THSD4: variants seen among roughly 807,000 people sequenced by gnomAD.
THSD4 encodes the protein thrombospondin type 1 domain containing 4.
A neutral mutation model predicts 119.0 loss-of-function variants in THSD4; 69 were observed. That is an observed-to-expected ratio of 0.58 (90% confidence interval 0.48 to 0.71). THSD4 has a LOEUF of 0.71. Among genes scored for constraint, THSD4 ranks in the 30% least tolerant of loss-of-function variants. The pLI, the probability that THSD4 is intolerant of heterozygous loss-of-function variation, is 0.00. For synonymous variants in THSD4, 524 were observed against 540.4 expected (o/e 0.97, Z 0.42); for missense variants, 1,393 against 1,391.1 (o/e 1.00, Z -0.02).
intron 6 of THSD4, among the ~76,000 whole-genome samples, chr15:71,395,545 C>T (rs1015873003): frequency 1.3e-5 from 2 of 152,096 alleles, no homozygotes. Context: ...AGTTCGAGAC[C>T]AGCCTGGGCA....
At chr15:71,380,344 T>G (rs1198166136) in intron 6 of THSD4, among the ~76,000 whole-genome samples, 1 of 152,140 alleles carries the variant, frequency 6.6e-6, no homozygotes, top group African/African-American at 2.4e-5. Context: ...CTCATAACTC[T>G]TATTTGGTCA....
chr15:71,431,691 G>C (rs1206309702), intron 7 of THSD4, among the ~76,000 whole-genome samples: 1 of 151,672 alleles, frequency 6.6e-6, no homozygotes, highest in Non-Finnish European at 1.5e-5. Context: ...GTCTTGGGTG[G>C]CTGCAAGACA....
At chr15:71,352,007 T>G (rs568332266) in intron 6 of THSD4, among the ~76,000 whole-genome samples, 5 of 152,362 alleles carry the variant, frequency 3.3e-5, no homozygotes. Context: ...TAAAAGCCCC[T>G]CTGAAGAACC....
intron 6 of THSD4, among the ~76,000 whole-genome samples, chr15:71,269,090 C>T (rs1287366305): frequency 2.0e-5 from 3 of 151,886 alleles, no homozygotes; most frequent in African/African-American, 7.2e-5. Flanking sequence ...TCCTCCCTAA[C>T]TCATTTTATG....
rs1440108154 is a variant in THSD4 at position 71,458,899 on chromosome 15, A to G, written c.1152+47076A>G. On this transcript the variant is annotated intron_variant, in intron 7 of 17. Coordinates refer to ENST00000261862, the MANE Select transcript of THSD4 (RefSeq NM_024817.3). ...AAAACAAAAACTTATTTACCCTTTA[A>G]AAACCTTGACTCTGTGATTCATTTT... Among the ~76,000 whole-genome samples, 4 of 152,152 alleles carry G rather than the reference A, an allele frequency of 2.6e-5. No homozygotes were observed. The East Asian group carries it at 7.7e-4, about 29-fold the overall frequency.
rs554180019 is a variant in THSD4, at chr15:71,500,529, T to A, written c.1152+88706T>A. On this transcript the variant is annotated intron_variant, in intron 7 of 17. Transcript: ENST00000261862. ...GTTTTTATTGCCTGTGTTGTTGGTG[T>A]CATATCCAAGACATCATTGCCAAAT... Among the ~76,000 whole-genome samples, 6 of 152,344 alleles carry A rather than the reference T, an allele frequency of 3.9e-5. No individual in the cohort carries two copies. The South Asian group carries it at 1.2e-3, about 32-fold the overall frequency.
chr15:71,154,067 A>T (rs1173525156), intron 2 of THSD4, among the ~76,000 whole-genome samples: 1 of 152,122 alleles, frequency 6.6e-6, no homozygotes, highest in African/African-American at 2.4e-5. Context: ...CTTACTAACC[A>T]TGCCAGGTGT....
chr15:71,743,870 A>C (rs2053282105), intron 11 of THSD4, among the ~76,000 whole-genome samples: 1 of 152,252 alleles, frequency 6.6e-6, no homozygotes, highest in Admixed American at 6.5e-5. Context: ...CCTATGTTGC[A>C]GTTAAAATTG....
At chr15:71,539,446 C>T (rs1452236204) in intron 7 of THSD4, among the ~76,000 whole-genome samples, 5 of 152,174 alleles carry the variant, frequency 3.3e-5, no homozygotes, top group Non-Finnish European at 7.4e-5. Context: ...ATAAAGAATA[C>T]ACATTCTTTG....
intron 8 of THSD4, among the ~76,000 whole-genome samples, chr15:71,689,556 G>A (rs1310463004): frequency 6.6e-6 from 1 of 152,204 alleles, no homozygotes; most frequent in African/African-American, 2.4e-5. Context: ...CCACAAAGGA[G>A]AGCCAAGTTC....
intron 3 of THSD4, among the ~76,000 whole-genome samples, chr15:71,201,196 G>C (rs1438872814): frequency 6.6e-6 from 1 of 151,998 alleles, no homozygotes; most frequent in Non-Finnish European, 1.5e-5. Flanking sequence ...AGAGATGGAG[G>C]ACCCCGTGTT....
intron 6 of THSD4, among the ~76,000 whole-genome samples, chr15:71,327,892 G>A (rs1211140510): frequency 2.0e-5 from 3 of 152,144 alleles, no homozygotes; most frequent in Non-Finnish European, 2.9e-5. Context: ...TACCATTTGA[G>A]CCTCAGAATG....
At chr15:71,410,675 C>G (rs2046674442) in intron 6 of THSD4, among the ~76,000 whole-genome samples, 1 of 152,174 alleles carries the variant, frequency 6.6e-6, no homozygotes, top group African/African-American at 2.4e-5. Flanking sequence ...GGAATTATTA[C>G]AGGAAGCTGC....
At chr15:71,298,815 G>T (rs1350040856) in intron 6 of THSD4, among the ~76,000 whole-genome samples, 1 of 152,152 alleles carries the variant, frequency 6.6e-6, no homozygotes, top group African/African-American at 2.4e-5. Flanking sequence ...GTTTTACTCT[G>T]TTGCCCAGGC....
intron 6 of THSD4, among the ~76,000 whole-genome samples, chr15:71,356,906 C>A (rs1184725042): frequency 1.3e-5 from 2 of 152,172 alleles, no homozygotes; most frequent in African/African-American, 2.4e-5. Flanking sequence ...AGACACCAAA[C>A]GACAGCGCAC....
At chr15:71,097,661 GTTATATC>G (rs2040236590) in intron 1 of THSD4, among the ~76,000 whole-genome samples, 1 of 149,104 alleles carries the variant, frequency 6.7e-6, no homozygotes, top group Admixed American at 6.7e-5. Flanking sequence ...GTTGTTATAC[GTTATATC>G]TTATAATTTA....
At chr15:71,640,544 C>T (rs1377055894) in intron 7 of THSD4, among the ~76,000 whole-genome samples, 1 of 152,174 alleles carries the variant, frequency 6.6e-6, no homozygotes, top group Non-Finnish European at 1.5e-5. Context: ...ACCCACATGA[C>T]TCCTTCAGAA....
At chr15:71,669,579 G>A (rs1281191975) in intron 8 of THSD4, among the ~76,000 whole-genome samples, 5 of 152,134 alleles carry the variant, frequency 3.3e-5, no homozygotes, top group South Asian at 2.1e-4. Context: ...TAGCTTTTAA[G>A]AATTTTTATT....
chr15:71,679,485 C>T (rs762226960), intron 8 of THSD4, among the ~76,000 whole-genome samples: 1 of 152,220 alleles, frequency 6.6e-6, no homozygotes, highest in Non-Finnish European at 1.5e-5. Flanking sequence ...CAAGTTTAGC[C>T]CTCATGCTGT....
Sources: allele counts gnomAD v4.1 joint callset (sites outside exome capture counted in the v4.1 genomes callset), GRCh38; gene constraint gnomAD v4.1.1; transcripts MANE v1.5; gene names NCBI Gene and HGNC (gene_info 2026-07-23, HGNC 2026-07-21).